The following RIMBP2 variants were observed in gnomAD, a reference collection of about 807,000 sequenced individuals.
The protein encoded by RIMBP2 is RIMS-binding protein 2.
RIMBP2 carries 48 observed loss-of-function variants against 118.6 expected under a neutral mutation model. The ratio of observed to expected loss-of-function variants is 0.40; its 90% CI spans 0.32 to 0.51. The LOEUF (loss-of-function observed/expected upper bound fraction) is 0.51. Among genes scored for constraint, RIMBP2 ranks in the 20% least tolerant of loss-of-function variants. The probability of loss-of-function intolerance (pLI) is 0.41; values close to 1 mark genes in which losing one functional copy is unlikely to be tolerated. For synonymous variants in RIMBP2, 762 were observed against 742.9 expected, an observed-to-expected ratio of 1.03 and a Z score of -0.42; for missense variants, 1,551 against 1,768.3, an observed-to-expected ratio of 0.88 and a Z score of 2.20.
intron 21 of RIMBP2, among the ~76,000 whole-genome samples, chr12:130,400,525 T>C (rs1171259773): frequency 6.6e-6 from 1 of 152,176 alleles, no homozygotes; most frequent in Non-Finnish European, 1.5e-5. Context: ...CCACGTCACT[T>C]CTTCCCCAAA....
At chr12:130,709,525 C>A (rs1949744351) in intron 1 of RIMBP2, among the ~76,000 whole-genome samples, 1 of 152,200 alleles carries the variant, frequency 6.6e-6, no homozygotes. Flanking sequence ...GCTTTACAGA[C>A]CTGGAGCTGA....
At chr12:130,613,233 A>G (rs1039962212) in intron 2 of RIMBP2, among the ~76,000 whole-genome samples, 8 of 152,228 alleles carry the variant, frequency 5.3e-5, no homozygotes, top group African/African-American at 1.9e-4. Context: ...TGCCGGGGCC[A>G]ACAAGGCAGG....
Position 130,441,413 on chromosome 12 carries a change from T to TC in RIMBP2, c.1504+434_1504+435insG, listed in dbSNP as rs56262227. 2.0e-3 allele frequency among the ~76,000 whole-genome samples: 268 copies of TC among 136,644 alleles called. 4 individuals are homozygous for TC. Among genetic ancestry groups the TC allele is most frequent in the Admixed American group, 0.015 (203 of 13,922 alleles). 89.6% of individuals were successfully genotyped at this position (136,644 alleles called of 152,430 possible). ...GAGACTCCATCTCAAATAATAATAA[T>TC]AATAATAATAATAATAATAATAATA... On this transcript the variant is annotated intron_variant, in intron 11 of 22. Coordinates refer to ENST00000690449, the MANE Select transcript of RIMBP2 (RefSeq NM_001393629.1).
intron 1 of RIMBP2, among the ~76,000 whole-genome samples, chr12:130,656,294 C>G (rs1487601): frequency 1 from 151,470 of 152,222 alleles, 75,369 homozygotes; most frequent in Non-Finnish European, 1. Context: ...AAGAGGAGGA[C>G]GAAGTAGGAT....
At position 130,431,313 on chromosome 12, in the gene RIMBP2, G is replaced by A; in HGVS notation, c.2254-2976C>T. On this transcript the variant is annotated intron_variant, in intron 14 of 22. Transcript: ENST00000690449. This position sits in a 1 kb window ranked among gnomAD's most constrained non-coding sequence, Gnocchi z 4.0. ...ATAGCGCCAGGGGGTAAGGGCTCAT[G>A]TGACGGGGCGGGCAGCATGGGGAAG... 1 of 257,312 alleles carries A rather than the reference G, an allele frequency of 3.9e-6. No homozygotes were observed. Among genetic ancestry groups the A allele is most frequent in the Non-Finnish European group, 8.6e-6 (1 of 116,150 alleles). 15.9% of individuals were successfully genotyped at this position (257,312 alleles called of 1,614,324 possible).
Position 130,424,088 on chromosome 12 carries a change from A to T in RIMBP2, c.3129+54T>A. The T allele has an allele frequency of 1.1e-6, 1 of 951,160 alleles. No homozygotes were observed. Among genetic ancestry groups the T allele is most frequent in the Non-Finnish European group, 1.4e-6 (1 of 731,340 alleles). The allele number at this position is 951,160 out of a possible 1,614,324, so 58.9% of individuals were successfully genotyped here. Reference sequence around the variant, plus strand: ...GAACAAACAGAAAACCAGTGAAAGGATGGGACAGATTGGTTTGGCAAGCGG... The same window carrying T: ...GAACAAACAGAAAACCAGTGAAAGGTTGGGACAGATTGGTTTGGCAAGCGG... On this transcript the variant is annotated intron_variant, in intron 16 of 22. Coordinates refer to ENST00000690449, the MANE Select transcript of RIMBP2 (RefSeq NM_001393629.1). The surrounding 1 kb of genome is among the most constrained non-coding windows in gnomAD (Gnocchi z 9.8).
Position 130,456,477 on chromosome 12 carries a change from G to A in RIMBP2, c.358+19C>T, listed in dbSNP as rs372634976. The A allele has an allele frequency of 3.5e-5, 54 of 1,546,312 alleles. No individual in the cohort carries two copies. The highest frequency in any genetic ancestry group is 4.2e-5 in the Non-Finnish European group (48 of 1,142,474). On this transcript the variant is annotated intron_variant, in intron 7 of 22. Coordinates refer to ENST00000690449, the MANE Select transcript of RIMBP2 (RefSeq NM_001393629.1). ...ATTCTCTCCCCACCACAGCCAAGGC[G>A]GAAGGTCCAGGCGCTTACCTTTGCC...
intron 1 of RIMBP2, among the ~76,000 whole-genome samples, chr12:130,671,921 G>T (rs1409160205): frequency 6.6e-6 from 1 of 152,166 alleles, no homozygotes; most frequent in East Asian, 1.9e-4. Context: ...TTATTTTCAT[G>T]CCACTTAGAA....
At position 130,442,891 on chromosome 12, in the gene RIMBP2, G is replaced by A. The variant is rs114555927; in HGVS notation, c.692-231C>T. 0.014 allele frequency among the ~76,000 whole-genome samples: 2,136 copies of A among 152,214 alleles called. 48 individuals carry two copies. The highest frequency in any genetic ancestry group is 0.048 in the African/African-American group (1,991 of 41,510). Reference sequence around the variant, plus strand: ...TCTTCTTTTCTCCATGATACTTATCGCAACCTGAAACCATCATGTTTGTGT... The same window carrying A: ...TCTTCTTTTCTCCATGATACTTATCACAACCTGAAACCATCATGTTTGTGT... On this transcript the variant is annotated intron_variant, in intron 10 of 22. Coordinates refer to ENST00000690449, the MANE Select transcript of RIMBP2 (RefSeq NM_001393629.1). The surrounding 1 kb of genome is among the most constrained non-coding windows in gnomAD (Gnocchi z 6.9).
intron 4 of RIMBP2, among the ~76,000 whole-genome samples, chr12:130,484,929 T>C (rs918108721): frequency 1.3e-5 from 2 of 152,248 alleles, no homozygotes; most frequent in Non-Finnish European, 2.9e-5. Context: ...TCTTTTTCAA[T>C]TGGTTAGTGA....
chr12:130,627,463 C>A (rs1029034651), intron 2 of RIMBP2, among the ~76,000 whole-genome samples: 1 of 152,218 alleles, frequency 6.6e-6, no homozygotes, highest in Admixed American at 6.5e-5. Flanking sequence ...AAACATTTCA[C>A]AAGGAATGAA....
At chr12:130,463,437 G>A (rs1036630252) in intron 6 of RIMBP2, among the ~76,000 whole-genome samples, 1 of 152,142 alleles carries the variant, frequency 6.6e-6, no homozygotes, top group African/African-American at 2.4e-5. Flanking sequence ...GCAGAGGCTC[G>A]CAAATGTGGA....
chr12:130,591,330 A>G (rs1053316877), intron 2 of RIMBP2, among the ~76,000 whole-genome samples: 5 of 152,214 alleles, frequency 3.3e-5, no homozygotes, highest in African/African-American at 9.6e-5. Flanking sequence ...CCACTTTGCC[A>G]TCGAGAGCAA....
rs1352145757 is a variant in RIMBP2, at chr12:130,703,273, C to A, written c.-352+12949G>T. 6.6e-6 allele frequency among the ~76,000 whole-genome samples: 1 copy of A among 152,138 alleles called. No individual in the cohort carries two copies. The highest frequency in any genetic ancestry group is 1.5e-5 in the Non-Finnish European group (1 of 68,022). On this transcript the variant is annotated intron_variant, in intron 1 of 22. Coordinates refer to ENST00000690449, the MANE Select transcript of RIMBP2 (RefSeq NM_001393629.1). The surrounding 1 kb of genome is among the most constrained non-coding windows in gnomAD (Gnocchi z 5.7). ...TTGTGCACCCCGATTAACCTCCAGG[C>A]GGGCTCCCCCTCCGCCCTGGACATT...
At chr12:130,631,573 C>A (rs545483617) in intron 1 of RIMBP2, among the ~76,000 whole-genome samples, 1 of 152,040 alleles carries the variant, frequency 6.6e-6, no homozygotes, top group Admixed American at 6.6e-5. Flanking sequence ...TGTCTCCCAA[C>A]GCCAACCCTG....
At chr12:130,438,335 A>ACCGGGGCCCCCCCCCC in intron 12 of RIMBP2, 30 bp downstream of exon 12, 3 of 865,014 alleles carry the variant, frequency 3.5e-6, no homozygotes, top group East Asian at 2.8e-5. Context: ...GGCCTAACAA[A>ACCGGGGCCCCCCCCCC]CCCTCCCCAC....
At chr12:130,502,203 T>G (rs1443830415) in intron 4 of RIMBP2, among the ~76,000 whole-genome samples, 1 of 152,146 alleles carries the variant, frequency 6.6e-6, no homozygotes, top group Non-Finnish European at 1.5e-5. Context: ...CCGGAGGAGC[T>G]GTTCAGTCCA....
intron 2 of RIMBP2, among the ~76,000 whole-genome samples, chr12:130,524,081 C>T (rs568065813): frequency 2.6e-5 from 4 of 152,226 alleles, no homozygotes; most frequent in Admixed American, 1.3e-4. Flanking sequence ...AAAGAGGTTG[C>T]CTCCAGATGC....
chr12:130,576,842 G>A lies in RIMBP2; in HGVS notation c.-217+51480C>T, dbSNP rs980324914. On this transcript the variant is annotated intron_variant, in intron 2 of 22. Transcript: ENST00000690449. This position sits in a 1 kb window ranked among gnomAD's most constrained non-coding sequence, Gnocchi z 4.2. ...GCGTGTTTCCATCGCGTGTCCAGGC[G>A]CAGTGCCTGGGAGCAAATATCTCCA... Among the ~76,000 whole-genome samples the A allele has an allele frequency of 5.9e-5, 9 of 152,218 alleles. No homozygotes were observed. The highest frequency in any genetic ancestry group is 2.2e-4 in the African/African-American group (9 of 41,464).
Sources: gnomAD v4.1 joint callset for allele counts (sites outside exome capture counted in the v4.1 genomes callset) on GRCh38, gnomAD v4.1.1 for gene constraint, Gnocchi (gnomAD v3.1) non-coding constraint, MANE v1.5 for transcripts, NCBI Gene and HGNC (gene_info 2026-07-23, HGNC 2026-07-21) for gene names.